Variants in IRAK2 observed in about 807,000 individuals in gnomAD.
IRAK2 encodes interleukin 1 receptor associated kinase 2, also known as interleukin-1 receptor-associated kinase-like 2.
A neutral mutation model predicts 72.0 loss-of-function variants in IRAK2; 57 were observed. The observed-to-expected ratio is 0.79, with a 90% CI of 0.64 to 0.99. IRAK2 has a LOEUF of 0.99. Ranked by LOEUF, IRAK2 falls within the 50% of genes least tolerant of loss-of-function variation. IRAK2 has a pLI of 0.00. For synonymous variants in IRAK2, 293 were observed against 312.7 expected (o/e 0.94, Z 0.67); for missense variants, 790 against 794.4 (o/e 0.99, Z 0.07).
chr3:10,239,107 T>G (rs1195079453), intron 12 of IRAK2, 68 bp downstream of exon 12: 2 of 1,390,506 alleles, frequency 1.4e-6, no homozygotes, highest in Non-Finnish European at 1.9e-6. Context: ...CATCATTTTT[T>G]CTTTCTGTTG....
intron 12 of IRAK2, 28 bp downstream of exon 12, chr3:10,239,067 A>G: frequency 6.5e-7 from 1 of 1,544,500 alleles, no homozygotes; most frequent in South Asian, 1.2e-5. Flanking sequence ...GTGCATTTGG[A>G]TGCTCATGTG....
intron 2 of IRAK2, among the ~76,000 whole-genome samples, chr3:10,184,913 ATT>A (rs1402176244): frequency 6.9e-6 from 1 of 144,710 alleles, no homozygotes; most frequent in African/African-American, 2.6e-5. Context: ...ATTTTTTTTT[ATT>A]TTTAGTAGAG....
At chr3:10,181,913 T>G (rs2125144186) in intron 2 of IRAK2, among the ~76,000 whole-genome samples, 1 of 152,294 alleles carries the variant, frequency 6.6e-6, no homozygotes, top group Middle Eastern at 3.4e-3. Context: ...ACGTGTACTC[T>G]CATTCCAATG....
At position 10,222,696 on chromosome 3, in the gene IRAK2, G is replaced by A. The variant is rs1559451072; in HGVS notation, c.1074G>A (p.Leu358=). The change falls in exon 9 of 13, where the codon CTG becomes CTA. Residue 358 remains leucine, a synonymous_variant. Transcript: ENST00000256458. The part of the protein sequence containing the change: ...TPKLAHPMAH[L]CPVNKRSKYT... ...AACTTGCTCACCCAATGGCTCATCTGTGTCCTGTCAACAAAAGGTCAAAAT... is the reference window on the plus strand; with the variant it reads ...AACTTGCTCACCCAATGGCTCATCTATGTCCTGTCAACAAAAGGTCAAAAT... 6.2e-7 allele frequency: 1 copy of A among 1,614,156 alleles called. No homozygotes were observed. The highest frequency in any genetic ancestry group is 8.5e-7 in the Non-Finnish European group (1 of 1,180,020).
At chr3:10,224,297 A>G (rs1357265400) in intron 9 of IRAK2, among the ~76,000 whole-genome samples, 1 of 149,754 alleles carries the variant, frequency 6.7e-6, no homozygotes, top group Non-Finnish European at 1.5e-5. Flanking sequence ...AGATCGCGCC[A>G]TTGCACTCCA....
Position 10,222,793 on chromosome 3 carries a change from C to A in IRAK2, c.1171C>A (p.Gln391Lys), listed in dbSNP as rs11465914. Residue 391 changes from glutamine to lysine, a missense_variant, in exon 9 of 13, where the codon CAG becomes AAG. By Grantham distance (53) the Gln-to-Lys change is moderately conservative. Coordinates refer to ENST00000256458, the MANE Select transcript of IRAK2 (RefSeq NM_001570.4). ...GCCAGAGGATTTCATCCGGGTGGGGCAGCTGACAAAGCGAGTGGACATCTT... is the reference window on the plus strand; with the variant it reads ...GCCAGAGGATTTCATCCGGGTGGGGAAGCTGACAAAGCGAGTGGACATCTT... The part of the protein sequence containing the change: ...YLPEDFIRVG[Q>K]LTKRVDIFSC... 2.1e-4 allele frequency: 331 copies of A among 1,614,164 alleles called. 2 individuals are homozygous for A. In the African/African-American group the frequency reaches 3.9e-3, roughly 19 times the overall value.
At chr3:10,224,972 G>A (rs1376912171) in intron 9 of IRAK2, among the ~76,000 whole-genome samples, 1 of 151,370 alleles carries the variant, frequency 6.6e-6, no homozygotes, top group Non-Finnish European at 1.5e-5. Flanking sequence ...AGCCTGCTCT[G>A]TGAAAGGGGC....
At chr3:10,210,604 G>A (rs1697502664) in intron 4 of IRAK2, among the ~76,000 whole-genome samples, 1 of 151,994 alleles carries the variant, frequency 6.6e-6, no homozygotes, top group Admixed American at 6.6e-5. Flanking sequence ...GCTCTTCCAT[G>A]TCCCAGGTGT....
Position 10,222,560 on chromosome 3 carries a change from C to T in IRAK2, c.1014-76C>T, listed in dbSNP as rs573807653. 2.0e-5 allele frequency: 25 copies of T among 1,247,788 alleles called. No homozygotes were observed. The East Asian group carries it at 4.8e-4, about 24-fold the overall frequency. The allele number at this position is 1,247,788 out of a possible 1,614,324, so 77.3% of individuals were successfully genotyped here. ...AGGAGGTGAGGTTGCTATATTGTCTCCCCAAAGGGTCTCCATGGCAACTTG... is the reference window on the plus strand; with the variant it reads ...AGGAGGTGAGGTTGCTATATTGTCTTCCCAAAGGGTCTCCATGGCAACTTG... On this transcript the variant is annotated intron_variant, in intron 8 of 12. Coordinates refer to ENST00000256458, the MANE Select transcript of IRAK2 (RefSeq NM_001570.4).
intron 2 of IRAK2, among the ~76,000 whole-genome samples, chr3:10,190,752 G>C (rs1285690144): frequency 6.6e-6 from 1 of 152,192 alleles, no homozygotes; most frequent in Admixed American, 6.5e-5. Context: ...CATTAGCCAG[G>C]ATAGGCTTGG....
At chr3:10,208,426 A>G (rs1466062413) in intron 3 of IRAK2, among the ~76,000 whole-genome samples, 1 of 149,796 alleles carries the variant, frequency 6.7e-6, no homozygotes, top group East Asian at 2.0e-4. Context: ...TCCCAAGTAG[A>G]GGGGACCACA....
chr3:10,230,192 G>T (rs969654401), intron 10 of IRAK2, among the ~76,000 whole-genome samples: 1 of 152,078 alleles, frequency 6.6e-6, no homozygotes, highest in African/African-American at 2.4e-5. Context: ...TATATAGTAT[G>T]ATCACATTTT....
intron 1 of IRAK2, among the ~76,000 whole-genome samples, chr3:10,171,878 G>A (rs1307912099): frequency 6.6e-6 from 1 of 151,134 alleles, no homozygotes; most frequent in African/African-American, 2.4e-5. Context: ...TGATTCTCCT[G>A]CCTCAGCCTC....
chr3:10,195,606 C>T (rs1458459007), intron 2 of IRAK2, among the ~76,000 whole-genome samples: 1 of 151,998 alleles, frequency 6.6e-6, no homozygotes, highest in Non-Finnish European at 1.5e-5. Context: ...GTATCACCCT[C>T]ATCCCCGTTT....
In IRAK2 at chr3:10,213,917, TTTTTC is replaced by T. The variant is rs1393782075; in HGVS notation, c.788+384_788+388del. Reference sequence around the variant, plus strand: ...GGGAATAAATCTTCTCTCCTTTTTTTTTTTCTTTTCTTTTCTTTTTTTGTTTTTTG... The same window carrying T: ...GGGAATAAATCTTCTCTCCTTTTTTTTTTTCTTTTCTTTTTTTGTTTTTTG... On this transcript the variant is annotated intron_variant, in intron 6 of 12. Transcript: ENST00000256458. Among the ~76,000 whole-genome samples, 8 of 152,188 alleles carry T rather than the reference TTTTTC, an allele frequency of 5.3e-5. No homozygotes were observed. In the East Asian group the frequency reaches 9.7e-4, roughly 18 times the overall value.
At chr3:10,200,146 C>T (rs1697333433) in intron 2 of IRAK2, among the ~76,000 whole-genome samples, 1 of 152,100 alleles carries the variant, frequency 6.6e-6, no homozygotes, top group African/African-American at 2.4e-5. Context: ...CCTCGGCCTC[C>T]CAAAGTGCTG....
chr3:10,170,329 T>G lies in IRAK2; in HGVS notation c.94+5281T>G, dbSNP rs138066773. ...ACCCAGAGAATCCAGGATAATCTCA[T>G]CTCAGAATCCTTGATTTAATCTAAC... On this transcript the variant is annotated intron_variant, in intron 1 of 12. Coordinates refer to ENST00000256458, the MANE Select transcript of IRAK2 (RefSeq NM_001570.4). Among the ~76,000 whole-genome samples, 3 of 152,338 alleles carry G rather than the reference T, an allele frequency of 2.0e-5. No homozygotes were observed. The East Asian group carries it at 5.8e-4, about 29-fold the overall frequency.
chr3:10,209,146 G>A (rs1044415967), intron 3 of IRAK2, among the ~76,000 whole-genome samples: 3 of 152,116 alleles, frequency 2.0e-5, no homozygotes, highest in Non-Finnish European at 2.9e-5. Context: ...ATGTATCCTC[G>A]GAGGATAGTT....
intron 2 of IRAK2, among the ~76,000 whole-genome samples, chr3:10,185,057 A>T (rs1697033048): frequency 6.6e-6 from 1 of 151,034 alleles, no homozygotes; most frequent in African/African-American, 2.5e-5. Context: ...GTAAAGGAGT[A>T]AGTTCTTTGC....
Sources: gnomAD v4.1 joint callset for allele counts (sites outside exome capture counted in the v4.1 genomes callset) on GRCh38, gnomAD v4.1.1 for gene constraint, MANE v1.5 for transcripts, NCBI Gene and HGNC (gene_info 2026-07-23, HGNC 2026-07-21) for gene names.